STON1: variants seen among roughly 807,000 people sequenced by gnomAD.
STON1 encodes stonin-1.
STON1 carries 79 observed loss-of-function variants against 60.9 expected under a neutral mutation model. That is an observed-to-expected ratio of 1.30 (90% CI 1.08 to 1.56). STON1 has a LOEUF of 1.56. Ranked by LOEUF, STON1 falls within the 40% of genes most tolerant of loss-of-function variation. The pLI is 0.00. For synonymous variants in STON1, 363 were observed against 306.9 expected (o/e 1.18, Z -1.91); for missense variants, 1,166 against 858.9 (o/e 1.36, Z -4.47).
At chr2:48,589,818 T>C (rs1448345650) in intron 2 of STON1, among the ~76,000 whole-genome samples, 4 of 152,236 alleles carry the variant, frequency 2.6e-5, no homozygotes, top group Non-Finnish European at 4.4e-5. Context: ...AGCAAAATTA[T>C]AGTAATTAAA....
Position 48,596,205 on chromosome 2 carries a change from A to G in STON1, c.*903A>G, listed in dbSNP as rs980299529. 1 of 152,220 alleles carries G rather than the reference A, an allele frequency of 6.6e-6. No individual in the cohort carries two copies. Among genetic ancestry groups the G allele is most frequent in the African/African-American group, 2.4e-5 (1 of 41,462 alleles). The allele number at this position is 152,220 out of a possible 1,614,324, so 9.4% of individuals were successfully genotyped here. ...CTTGAGTAGAAGTCTAAATCACATT[A>G]TGATTATTTTATACTAGTTCTGCTA... On this transcript the variant is annotated 3_prime_UTR_variant, in exon 4 of 4. Transcript: ENST00000404752.
chr2:48,582,130 A>G lies in STON1; in HGVS notation c.1497A>G (p.Ser499=). The G allele has an allele frequency of 6.2e-7, 1 of 1,614,242 alleles. No homozygotes were observed. Among genetic ancestry groups the G allele is most frequent in the African/African-American group, 1.3e-5 (1 of 75,068 alleles). The change falls in exon 2 of 4, where the codon TCA becomes TCG. Residue 499 remains serine (S), a synonymous_variant. Coordinates refer to ENST00000404752, the MANE Select transcript of STON1 (RefSeq NM_006873.4). ...KCVNVQEFEQ[S]RIIKFVPLDA... ...TGAATGTACAAGAATTTGAGCAATCAAGAATCATTAAGTTTGTACCTCTGG... is the reference window on the plus strand; with the variant it reads ...TGAATGTACAAGAATTTGAGCAATCGAGAATCATTAAGTTTGTACCTCTGG...
intron 1 of STON1, among the ~76,000 whole-genome samples, chr2:48,549,614 C>T (rs1217037636): frequency 1.3e-5 from 2 of 151,932 alleles, no homozygotes; most frequent in African/African-American, 2.4e-5. Flanking sequence ...GAGTTCAATA[C>T]CAGCCTGACC....
intron 1 of STON1, among the ~76,000 whole-genome samples, chr2:48,577,050 T>C (rs1673553010): frequency 7.7e-6 from 1 of 129,268 alleles, no homozygotes; most frequent in Non-Finnish European, 1.7e-5. Flanking sequence ...CGAGATTCCA[T>C]CTCAAAAAAA....
At position 48,532,991 on chromosome 2, in the gene STON1, T is replaced by C. The variant is rs1199325159; in HGVS notation, c.-48+2775T>C. On this transcript the variant is annotated intron_variant, in intron 1 of 3. Coordinates refer to ENST00000404752, the MANE Select transcript of STON1 (RefSeq NM_006873.4). ...GTGAAGTGCTAGGTGTGGTGATTCA[T>C]GCCTGTAACCCTAGCACTGTGGGAA... Among the ~76,000 whole-genome samples, 10 of 152,120 alleles carry C rather than the reference T, an allele frequency of 6.6e-5. No homozygotes were observed. In the East Asian group the frequency reaches 1.9e-3, roughly 30 times the overall value.
In STON1 at chr2:48,554,718, T is replaced by TATTTA. The variant is rs1383025559; in HGVS notation, c.-48+24502_-48+24503insATTTA. Among the ~76,000 whole-genome samples the TATTTA allele has an allele frequency of 2.1e-4, 15 of 72,572 alleles. 1 individual carries two copies. Among genetic ancestry groups the TATTTA allele is most frequent in the African/African-American group, 5.9e-4 (13 of 21,864 alleles). The allele number at this position is 72,572 out of a possible 152,430, so 47.6% of individuals were successfully genotyped here. The stretch of plus-strand genomic sequence containing the variant: ...ACTTTAAGTGCAAAATTTTTTTTTT[T>TATTTA]TTTTTTTATTTATTTATTTATTTTT... On this transcript the variant is annotated intron_variant, in intron 1 of 3. Transcript: ENST00000404752.
At chr2:48,540,463 C>G (rs1292403168) in intron 1 of STON1, among the ~76,000 whole-genome samples, 2 of 152,132 alleles carry the variant, frequency 1.3e-5, no homozygotes, top group Admixed American at 1.3e-4. Context: ...CCATAAAAAC[C>G]CAGGAGGACC....
At chr2:48,553,857 G>C (rs1341740881) in intron 1 of STON1, among the ~76,000 whole-genome samples, 1 of 152,176 alleles carries the variant, frequency 6.6e-6, no homozygotes, top group Non-Finnish European at 1.5e-5. Flanking sequence ...GAAACTGCTT[G>C]ATAGCAGTGA....
At chr2:48,592,697 G>T (rs1373900655) in intron 3 of STON1, among the ~76,000 whole-genome samples, 1 of 151,720 alleles carries the variant, frequency 6.6e-6, no homozygotes, top group African/African-American at 2.4e-5. Flanking sequence ...CCGACCTTAG[G>T]TAATCTGACC....
At chr2:48,555,367 A>T (rs1324072430) in intron 1 of STON1, among the ~76,000 whole-genome samples, 1 of 32,690 alleles carries the variant, frequency 3.1e-5, no homozygotes, top group Non-Finnish European at 6.3e-5. Context: ...GGCCGGGCAG[A>T]GGGGCTCCTC....
intron 1 of STON1, among the ~76,000 whole-genome samples, chr2:48,577,815 CA>C (rs1253464157): frequency 6.6e-6 from 1 of 151,710 alleles, no homozygotes; most frequent in Admixed American, 6.6e-5. Context: ...GCGATTTCAC[CA>C]TGTTGCCCAG....
At chr2:48,589,332 T>C (rs1220740532) in intron 2 of STON1, among the ~76,000 whole-genome samples, 1 of 152,238 alleles carries the variant, frequency 6.6e-6, no homozygotes, top group Non-Finnish European at 1.5e-5. Flanking sequence ...GGAATTATGT[T>C]GAGTGAACAA....
intron 1 of STON1, among the ~76,000 whole-genome samples, chr2:48,533,142 G>C (rs1012510913): frequency 6.6e-6 from 1 of 152,138 alleles, no homozygotes; most frequent in African/African-American, 2.4e-5. Flanking sequence ...CCAGCACTTG[G>C]GGAGGCCAAG....
At chr2:48,578,447 T>C (rs1320442220) in intron 1 of STON1, among the ~76,000 whole-genome samples, 1 of 152,082 alleles carries the variant, frequency 6.6e-6, no homozygotes, top group African/African-American at 2.4e-5. Context: ...ACTCATCAGC[T>C]ATCTGTAGTG....
intron 2 of STON1, 112 bp from the exon 3 acceptor site, chr2:48,591,541 G>A (rs1674512383): frequency 1.4e-6 from 2 of 1,420,210 alleles, no homozygotes; most frequent in South Asian, 1.4e-5. Context: ...TTGCACTGCT[G>A]CAGTGCTAAT....
chr2:48,588,070 T>C (rs972672522), intron 2 of STON1, among the ~76,000 whole-genome samples: 2 of 152,200 alleles, frequency 1.3e-5, no homozygotes, highest in South Asian at 2.1e-4. Flanking sequence ...GAAATCTTTG[T>C]CCTAAGGCAG....
At chr2:48,555,182 G>A (rs1388949518) in intron 1 of STON1, among the ~76,000 whole-genome samples, 1 of 100,122 alleles carries the variant, frequency 1.0e-5, no homozygotes, top group South Asian at 3.9e-4. Context: ...CGCCTTTCCC[G>A]CCTTTCTATT....
Position 48,582,082 on chromosome 2 carries a change from T to A in STON1, c.1449T>A (p.Leu483=). The change falls in exon 2 of 4, where the codon CTT becomes CTA. Residue 483 remains leucine, a synonymous_variant. Coordinates refer to ENST00000404752, the MANE Select transcript of STON1 (RefSeq NM_006873.4). Reference sequence around the variant, plus strand: ...CAGAAAAAAAGGGGATTGATATTCTTGACTACCATTTTCATAAGTGTGTGA... The same window carrying A: ...CAGAAAAAAAGGGGATTGATATTCTAGACTACCATTTTCATAAGTGTGTGA... ...KDSEKKGIDI[L]DYHFHKCVNV... The A allele has an allele frequency of 6.2e-7, 1 of 1,614,208 alleles. No individual in the cohort carries two copies. Among genetic ancestry groups the A allele is most frequent in the Non-Finnish European group, 8.5e-7 (1 of 1,180,044 alleles).
At chr2:48,552,202 G>C (rs1672133091) in intron 1 of STON1, among the ~76,000 whole-genome samples, 1 of 152,190 alleles carries the variant, frequency 6.6e-6, no homozygotes, top group Admixed American at 6.5e-5. Context: ...GCTTCTGTAT[G>C]GATGGGCCTT....
Sources: gnomAD v4.1 joint callset for allele counts (sites outside exome capture counted in the v4.1 genomes callset) on GRCh38, gnomAD v4.1.1 for gene constraint, MANE v1.5 for transcripts, NCBI Gene and HGNC (gene_info 2026-07-23, HGNC 2026-07-21) for gene names.